SHROOM2: variants seen among roughly 807,000 people sequenced by gnomAD.
SHROOM2 encodes the protein protein Shroom2.
Under a neutral mutation model 75.9 loss-of-function variants are expected in SHROOM2, and 33 were observed. The observed-to-expected ratio is 0.43, with a 90% CI of 0.33 to 0.58. SHROOM2 has a LOEUF of 0.58. SHROOM2 is among the 20% of genes least tolerant of loss of function. The pLI is 0.04. For synonymous variants in SHROOM2, 655 were observed against 663.6 expected, an observed-to-expected ratio of 0.99 and a Z score of 0.20; for missense variants, 1,434 against 1,461.2, an observed-to-expected ratio of 0.98 and a Z score of 0.30.
At chrX:9,903,658 C>T (rs1032700297) in intron 5 of SHROOM2, among the ~76,000 whole-genome samples, 2 of 111,394 alleles carry the variant, frequency 1.8e-5, no homozygotes, top group Non-Finnish European at 3.8e-5. Context: ...ATCCTCCCAC[C>T]TCAGCCTCTG....
intron 1 of SHROOM2, among the ~76,000 whole-genome samples, chrX:9,792,031 GAAT>G (rs755188284): frequency 0.037 from 4 of 108 alleles, no homozygotes; most frequent in African/African-American, 0.12. Flanking sequence ...GAATAGAATA[GAAT>G]AGAATAGAAT....
chrX:9,906,739 G>A (rs1209464067), intron 5 of SHROOM2, among the ~76,000 whole-genome samples: 2 of 112,467 alleles, frequency 1.8e-5, no homozygotes, highest in Non-Finnish European at 3.8e-5. Flanking sequence ...AGTGAGCCGA[G>A]ATCGTGCCAT....
intron 1 of SHROOM2, among the ~76,000 whole-genome samples, chrX:9,808,004 G>A (rs1354081686): frequency 8.9e-6 from 1 of 111,834 alleles, no homozygotes; most frequent in Non-Finnish European, 1.9e-5. Context: ...CGAGCTTTTG[G>A]CCTGGACAAG....
chrX:9,939,376 T>A lies in SHROOM2; in HGVS notation c.4311+10T>A, dbSNP rs16985805. 8.7e-3 allele frequency: 10,293 copies of A among 1,188,728 alleles called. 385 individuals carry two copies. In the African/African-American group the frequency reaches 0.13, roughly 15 times the overall value. Reference sequence around the variant, plus strand: ...CCTGTCGGTGAAGAAGGTAGGAGAGTCCATTCCAAATGACAGCGTGTGCGT... The same window carrying A: ...CCTGTCGGTGAAGAAGGTAGGAGAGACCATTCCAAATGACAGCGTGTGCGT... On this transcript the variant is annotated intron_variant, in intron 8 of 9. Coordinates refer to ENST00000380913, the MANE Select transcript of SHROOM2 (RefSeq NM_001649.4).
At chrX:9,942,360 A>G (rs1193175345) in intron 8 of SHROOM2, among the ~76,000 whole-genome samples, 2 of 111,178 alleles carry the variant, frequency 1.8e-5, no homozygotes, top group Non-Finnish European at 3.8e-5. Context: ...GTGGCCTCTG[A>G]TTCAGTTCAG....
intron 1 of SHROOM2, among the ~76,000 whole-genome samples, chrX:9,852,659 T>G (rs1475118436): frequency 8.9e-6 from 1 of 112,925 alleles, no homozygotes; most frequent in African/African-American, 3.2e-5. Flanking sequence ...CCAGTGCACC[T>G]TATTGGTGCA....
At position 9,900,462 on chromosome X, in the gene SHROOM2, G is replaced by A. The variant is rs138850984; in HGVS notation, c.2891+2172G>A. Among the ~76,000 whole-genome samples the A allele has an allele frequency of 1.0e-2, 1,123 of 112,373 alleles. 14 individuals carry two copies. Among genetic ancestry groups the A allele is most frequent in the Admixed American group, 0.039 (413 of 10,563 alleles). ...AGTTTCAAATAACGTAAACATGTCTGTGTAAATCATATGAAGTGCTGCTCT... is the reference window on the plus strand; with the variant it reads ...AGTTTCAAATAACGTAAACATGTCTATGTAAATCATATGAAGTGCTGCTCT... On this transcript the variant is annotated intron_variant, in intron 5 of 9. Transcript: ENST00000380913.
At chrX:9,884,368 C>CTT (rs1181815816) in intron 2 of SHROOM2, among the ~76,000 whole-genome samples, 92 of 62,279 alleles carry the variant, frequency 1.5e-3, no homozygotes, top group African/African-American at 4.8e-3. Context: ...TTTTTCTTTT[C>CTT]TTTTTTTTTT....
chrX:9,877,369 CAG>C (rs1405682652), intron 2 of SHROOM2, among the ~76,000 whole-genome samples: 1 of 111,237 alleles, frequency 9.0e-6, no homozygotes, highest in Non-Finnish European at 1.9e-5. Flanking sequence ...CCCGAGATGT[CAG>C]GGGAGGGGTG....
chrX:9,913,003 T>A (rs1380011182), intron 5 of SHROOM2: 1 of 112,398 alleles, frequency 8.9e-6, no homozygotes, highest in Non-Finnish European at 1.9e-5. Context: ...TGTTCTAGGC[T>A]GGAAGCCGTA....
chrX:9,786,646 G>A lies in SHROOM2; in HGVS notation c.101G>A (p.Gly34Asp). The A allele has an allele frequency of 1.1e-6, 1 of 886,542 alleles. No homozygotes were observed. The highest frequency in any genetic ancestry group is 1.4e-6 in the Non-Finnish European group (1 of 723,206). 73.1% of individuals were successfully genotyped at this position (886,542 alleles called of 1,213,427 possible). A position where few individuals can be genotyped will look rare whatever the true frequency, so the allele number is the denominator to read the frequency against. ...GRLVEVQLSG[G>D]APWGFTLKGG... ...CTGGTGGAGGTGCAGCTGAGCGGCG[G>A]CGCCCCGTGGGGCTTCACCCTGAAG... The change falls in exon 1 of 10, where the codon GGC becomes GAC. Residue 34 changes from glycine (G) to aspartate (D), a missense_variant. Transcript: ENST00000380913.
In SHROOM2 at chrX:9,870,056, A is replaced by C. The variant is rs191472600; in HGVS notation, c.166-3596A>C. On this transcript the variant is annotated intron_variant, in intron 1 of 9. Transcript: ENST00000380913. Reference sequence around the variant, plus strand: ...AACATAGGGAGACCCCCATCTCTACAAAAAAAATAAAAACTAAAAATTAGC... The same window carrying C: ...AACATAGGGAGACCCCCATCTCTACCAAAAAAATAAAAACTAAAAATTAGC... Among the ~76,000 whole-genome samples, 63 of 111,118 alleles carry C rather than the reference A, an allele frequency of 5.7e-4. No individual in the cohort carries two copies. In the East Asian group the frequency reaches 0.017, roughly 29 times the overall value.
intron 1 of SHROOM2, among the ~76,000 whole-genome samples, chrX:9,845,604 TC>T (rs1233116070): frequency 9.2e-6 from 1 of 108,858 alleles, no homozygotes; most frequent in Non-Finnish European, 1.9e-5. Context: ...GAGTGGTAGT[TC>T]CAGAGACAAA....
intron 5 of SHROOM2, among the ~76,000 whole-genome samples, chrX:9,924,506 C>A (rs1207824725): frequency 9.0e-6 from 1 of 110,574 alleles, no homozygotes; most frequent in African/African-American, 3.3e-5. Flanking sequence ...AAGGTGCCCA[C>A]CACCATGCCT....
chrX:9,855,142 G>A (rs1382084680), intron 1 of SHROOM2, among the ~76,000 whole-genome samples: 1 of 107,113 alleles, frequency 9.3e-6, no homozygotes, highest in East Asian at 2.9e-4. Context: ...ACACACCAGG[G>A]CCTGTCGGGG....
At chrX:9,830,584 CTTTTTTTTTTTT>C (rs1166769024) in intron 1 of SHROOM2, among the ~76,000 whole-genome samples, 57 of 33,647 alleles carry the variant, frequency 1.7e-3, no homozygotes, top group Non-Finnish European at 2.1e-3. Flanking sequence ...CCCCTGGTTT[CTTTTTTTTTTTT>C]TTTTTTTTTT....
At chrX:9,936,820 G>C (rs751535369) in intron 6 of SHROOM2, among the ~76,000 whole-genome samples, 4 of 112,578 alleles carry the variant, frequency 3.6e-5, no homozygotes, top group South Asian at 3.7e-4. Context: ...TCTGCGGAAT[G>C]ACAAATGGTA....
Position 9,932,540 on chromosome X carries a change from C to A in SHROOM2, c.3257C>A (p.Pro1086His), listed in dbSNP as rs762793816. The A allele has an allele frequency of 8.3e-7, 1 of 1,209,737 alleles. No homozygotes were observed. Among genetic ancestry groups the A allele is most frequent in the Non-Finnish European group, 1.1e-6 (1 of 894,915 alleles). Residue 1086 changes from proline to histidine, a missense_variant, in exon 6 of 10, where the codon CCC (proline) becomes CAC (histidine). By Grantham distance (77) the Pro-to-His change is moderately conservative. This residue lies in a region of SHROOM2 where 1,340 missense variants were observed against 1,338.3 expected (regional missense o/e 1.00). Transcript: ENST00000380913. ...RATDGAPADAPVGVLGRPFPT... is the reference protein window; with the variant it reads ...RATDGAPADAHVGVLGRPFPT... ...ACAGACGGCGCACCTGCTGACGCCC[C>A]CGTGGGCGTCCTCGGCAGGCCCTTC...
chrX:9,939,327 T>C lies in SHROOM2; in HGVS notation c.4272T>C (p.Asp1424=). Residue 1424 remains aspartate, a synonymous_variant, in exon 8 of 10, where the codon GAT becomes GAC. Coordinates refer to ENST00000380913, the MANE Select transcript of SHROOM2 (RefSeq NM_001649.4). Reference sequence around the variant, plus strand: ...AGGAGCAGCAGGAGCACGAAGAGGATTCGGGAAGCGACTTGGACCACGACC... The same window carrying C: ...AGGAGCAGCAGGAGCACGAAGAGGACTCGGGAAGCGACTTGGACCACGACC... ...DLQEQQEHEE[D]SGSDLDHDLS... is the part of the protein sequence containing the mutation. 2 of 1,209,506 alleles carry C rather than the reference T, an allele frequency of 1.7e-6. No individual in the cohort carries two copies. The highest frequency in any genetic ancestry group is 2.2e-5 in the Admixed American group (1 of 45,809).
Sources: gnomAD v4.1 joint callset for allele counts (sites outside exome capture counted in the v4.1 genomes callset) on GRCh38, gnomAD v4.1.1 for gene constraint, gnomAD v4.1.1 regional missense constraint, MANE v1.5 for transcripts, NCBI Gene and HGNC (gene_info 2026-07-23, HGNC 2026-07-21) for gene names.